Variants in SV2C observed in about 807,000 individuals in gnomAD.
SV2C encodes solute carrier family 22 member B3.
Under a neutral mutation model 79.7 loss-of-function variants are expected in SV2C, and 49 were observed. That is an observed-to-expected ratio of 0.61 (90% CI 0.49 to 0.78). The LOEUF (loss-of-function observed/expected upper bound fraction) is 0.78. Ranked by LOEUF, SV2C falls within the 30% of genes least tolerant of loss-of-function variation. SV2C has a pLI of 0.00. For missense variants in SV2C, 833 were observed against 912.9 expected, an observed-to-expected ratio of 0.91 and a Z score of 1.13; for synonymous variants, 334 against 333.2, an observed-to-expected ratio of 1.00 and a Z score of -0.03.
At chr5:76,128,599 A>G (rs1748785233) in intron 1 of SV2C, among the ~76,000 whole-genome samples, 1 of 152,140 alleles carries the variant, frequency 6.6e-6, no homozygotes, top group Non-Finnish European at 1.5e-5. Flanking sequence ...CTAAGCCTTA[A>G]TTTTTCATCT....
At chr5:76,174,027 G>A (rs1204363943) in intron 2 of SV2C, 1 of 1,565,816 alleles carries the variant, frequency 6.4e-7, no homozygotes, top group Non-Finnish European at 8.8e-7. Context: ...AAGATTTCAA[G>A]CATACACTGT....
chr5:76,137,911 T>A (rs1320736734), intron 2 of SV2C, among the ~76,000 whole-genome samples: 1 of 152,116 alleles, frequency 6.6e-6, no homozygotes, highest in Non-Finnish European at 1.5e-5. Flanking sequence ...GATTCATCCA[T>A]TTAGGTGAGA....
At chr5:75,962,377 A>G in the SV2C span, among the ~76,000 whole-genome samples, 1 of 152,132 alleles carries the variant, frequency 6.6e-6, no homozygotes, top group Non-Finnish European at 1.5e-5. Context: ...ACATGAAAAA[A>G]GAGTATTAGA....
chr5:75,900,048 C>G, the SV2C span, among the ~76,000 whole-genome samples: 3 of 152,150 alleles, frequency 2.0e-5, no homozygotes, highest in African/African-American at 4.8e-5. Flanking sequence ...TTAATTGGAG[C>G]ATTTATTCCA....
Position 76,325,764 on chromosome 5 carries a change from T to C in SV2C, c.*217T>C. On this transcript the variant is annotated 3_prime_UTR_variant, in exon 13 of 13. Transcript: ENST00000502798. ...TTTGTTTTGTTTGAATGCATTGTTA[T>C]CTTTCCAAACTGTGATGCTACTGCC... 1 of 605,964 alleles carries C rather than the reference T, an allele frequency of 1.7e-6. No homozygotes were observed. The highest frequency in any genetic ancestry group is 2.6e-6 in the Non-Finnish European group (1 of 381,038). 37.5% of individuals were successfully genotyped at this position (605,964 alleles called of 1,614,324 possible).
chr5:76,116,414 T>C (rs551615761), intron 1 of SV2C, among the ~76,000 whole-genome samples: 2 of 152,312 alleles, frequency 1.3e-5, no homozygotes, highest in East Asian at 1.9e-4. Flanking sequence ...GAATGAGTGA[T>C]TGGATCTTTT....
the SV2C span, among the ~76,000 whole-genome samples, chr5:75,858,236 G>A: frequency 6.6e-6 from 1 of 152,108 alleles, no homozygotes; most frequent in Non-Finnish European, 1.5e-5. Flanking sequence ...TGCTAGGTGT[G>A]GGTCTATTGT....
chr5:76,312,530 G>C (rs1264409911), intron 12 of SV2C, among the ~76,000 whole-genome samples: 1 of 152,208 alleles, frequency 6.6e-6, no homozygotes, highest in Non-Finnish European at 1.5e-5. Flanking sequence ...TGGGATTACA[G>C]ACATGAGCCA....
chr5:75,892,717 G>A, the SV2C span, among the ~76,000 whole-genome samples: 1 of 152,126 alleles, frequency 6.6e-6, no homozygotes, highest in Non-Finnish European at 1.5e-5. Context: ...AAGTCACTTA[G>A]GATAAAGGCC....
chr5:76,238,057 CACACACACAT>C (rs1182223165), intron 4 of SV2C, among the ~76,000 whole-genome samples: 17 of 63,266 alleles, frequency 2.7e-4, no homozygotes, highest in East Asian at 9.0e-4. Context: ...CACACACACA[CACACACACAT>C]ATATATACCT....
chr5:76,231,597 T>A (rs1314170951), intron 4 of SV2C, among the ~76,000 whole-genome samples: 1 of 128,294 alleles, frequency 7.8e-6, no homozygotes, highest in African/African-American at 3.4e-5. Context: ...CTCCCCCCAC[T>A]CCACCACAGT....
intron 1 of SV2C, among the ~76,000 whole-genome samples, chr5:76,126,190 C>T (rs1748700445): frequency 6.6e-6 from 1 of 152,076 alleles, no homozygotes; most frequent in Admixed American, 6.5e-5. Flanking sequence ...GATTGAATGC[C>T]AGGAGGAAAC....
the SV2C span, among the ~76,000 whole-genome samples, chr5:75,876,720 T>C: frequency 1.3e-5 from 2 of 152,112 alleles, no homozygotes; most frequent in East Asian, 3.8e-4. Flanking sequence ...GTAATGTGTC[T>C]ATGTATCACT....
chr5:75,920,840 C>G, the SV2C span: 1 of 762,766 alleles, frequency 1.3e-6, no homozygotes, highest in African/African-American at 1.7e-5. Context: ...GAATGGTCAG[C>G]TTGTCCACAG....
At chr5:76,054,281 A>G in the SV2C span, among the ~76,000 whole-genome samples, 3 of 152,118 alleles carry the variant, frequency 2.0e-5, no homozygotes, top group Non-Finnish European at 2.9e-5. Context: ...GCTGAGGGTG[A>G]TAGTTTCAAG....
chr5:75,959,149 C>T, the SV2C span, among the ~76,000 whole-genome samples: 56 of 151,998 alleles, frequency 3.7e-4, no homozygotes, highest in South Asian at 1.5e-3. Context: ...AGGATAAAAA[C>T]GATAGGGTTT....
intron 2 of SV2C, among the ~76,000 whole-genome samples, chr5:76,182,148 T>C (rs892491828): frequency 6.6e-6 from 1 of 152,230 alleles, no homozygotes; most frequent in African/African-American, 2.4e-5. Context: ...GTCAGCTGTA[T>C]TGACCACTGC....
the SV2C span, among the ~76,000 whole-genome samples, chr5:75,852,689 G>T: frequency 6.6e-6 from 1 of 152,046 alleles, no homozygotes; most frequent in African/African-American, 2.4e-5. Context: ...AGCTGGGCGT[G>T]GTGGCAGGTG....
chr5:76,122,895 C>T (rs142585358), intron 1 of SV2C, among the ~76,000 whole-genome samples: 5,823 of 150,932 alleles, frequency 0.039, 369 homozygotes, highest in African/African-American at 0.13. Flanking sequence ...GAAGGAAATA[C>T]AAAAAAAACC....
Sources: allele counts gnomAD v4.1 joint callset (sites outside exome capture counted in the v4.1 genomes callset), GRCh38; gene constraint gnomAD v4.1.1; transcripts MANE v1.5; gene names NCBI Gene and HGNC (gene_info 2026-07-23, HGNC 2026-07-21).